Variants in KCNJ6 observed in about 807,000 individuals in gnomAD.
The protein encoded by KCNJ6 is G protein-activated inward rectifier potassium channel 2.
In KCNJ6, 9 loss-of-function variants were observed where a neutral mutation model predicts 34.2. The ratio of observed to expected loss-of-function variants is 0.26; its 90% CI spans 0.16 to 0.46. The LOEUF is 0.46. Ranked by LOEUF, KCNJ6 falls within the 20% of genes least tolerant of loss-of-function variation. The pLI, the probability that KCNJ6 is intolerant of heterozygous loss-of-function variation, is 1.00. For synonymous variants in KCNJ6, 196 were observed against 207.1 expected, an observed-to-expected ratio of 0.95 and a Z score of 0.46; for missense variants, 236 against 531.3, an observed-to-expected ratio of 0.44 and a Z score of 5.46.
At chr21:37,868,614 G>A (rs57558558) in intron 1 of KCNJ6, among the ~76,000 whole-genome samples, 4,758 of 152,186 alleles carry the variant, frequency 0.031, 197 homozygotes, top group East Asian at 0.2. Context: ...AGGAAGTAGC[G>A]GTCCATGCAT....
At position 37,645,316 on chromosome 21, in the gene KCNJ6, G is replaced by C. The variant is rs184231596; in HGVS notation, c.947-19832C>G. Among the ~76,000 whole-genome samples the C allele has an allele frequency of 2.9e-3, 444 of 152,246 alleles. 4 individuals are homozygous for C. The highest frequency in any genetic ancestry group is 9.4e-3 in the African/African-American group (389 of 41,544). Reference sequence around the variant, plus strand: ...AGAGGTCGAGGCTGTGGTGAGCCATGATTGCACTACTGCACTCCAGCCTAG... The same window carrying C: ...AGAGGTCGAGGCTGTGGTGAGCCATCATTGCACTACTGCACTCCAGCCTAG... On this transcript the variant is annotated intron_variant, in intron 3 of 3. Coordinates refer to ENST00000609713, the MANE Select transcript of KCNJ6 (RefSeq NM_002240.5).
At chr21:37,670,372 G>C (rs1282254909) in intron 3 of KCNJ6, among the ~76,000 whole-genome samples, 1 of 152,152 alleles carries the variant, frequency 6.6e-6, no homozygotes, top group African/African-American at 2.4e-5. Flanking sequence ...ATATGAACTT[G>C]AGGATTGGGC....
chr21:37,774,878 C>G (rs533906659), intron 2 of KCNJ6, among the ~76,000 whole-genome samples: 6 of 152,300 alleles, frequency 3.9e-5, no homozygotes, highest in Admixed American at 1.3e-4. Flanking sequence ...AATGGGACGG[C>G]TGGGTCAAAT....
In KCNJ6 at chr21:37,698,059, C is replaced by T. The variant is rs189768629; in HGVS notation, c.946+16152G>A. 1.6e-3 allele frequency among the ~76,000 whole-genome samples: 247 copies of T among 152,274 alleles called. 1 individual carries two copies. Among genetic ancestry groups the T allele is most frequent in the African/African-American group, 5.3e-3 (220 of 41,560 alleles). ...AAATGGGGGCATTGGTGCAAACACT[C>T]GTTAAACAAAGACACTCATGCTCTT... On this transcript the variant is annotated intron_variant, in intron 3 of 3. Coordinates refer to ENST00000609713, the MANE Select transcript of KCNJ6 (RefSeq NM_002240.5).
chr21:37,828,023 C>T (rs1442712893), intron 2 of KCNJ6, among the ~76,000 whole-genome samples: 2 of 152,152 alleles, frequency 1.3e-5, no homozygotes, highest in African/African-American at 2.4e-5. Flanking sequence ...CTGTCTGTCT[C>T]TTAAGGCCAC....
intron 2 of KCNJ6, among the ~76,000 whole-genome samples, chr21:37,824,703 C>A (rs1421908561): frequency 1.3e-5 from 2 of 152,166 alleles, no homozygotes; most frequent in Admixed American, 6.5e-5. Context: ...TTCCTGCCAC[C>A]ATGTAAGACG....
intron 1 of KCNJ6, among the ~76,000 whole-genome samples, chr21:37,885,633 G>A (rs1568884985): frequency 1.3e-5 from 2 of 152,204 alleles, no homozygotes; most frequent in South Asian, 4.1e-4. Flanking sequence ...AGTCCCAGGA[G>A]GGGAGCACAG....
chr21:37,824,865 G>A (rs375311672), intron 2 of KCNJ6, among the ~76,000 whole-genome samples: 18 of 152,182 alleles, frequency 1.2e-4, no homozygotes, highest in African/African-American at 3.1e-4. Flanking sequence ...GTGTGAGAAC[G>A]GGGAGGATCC....
intron 3 of KCNJ6, among the ~76,000 whole-genome samples, chr21:37,683,050 C>G (rs1321108988): frequency 6.6e-6 from 1 of 152,246 alleles, no homozygotes; most frequent in Non-Finnish European, 1.5e-5. Flanking sequence ...CAGCTTGCTT[C>G]CATACTGTTT....
At chr21:37,896,009 G>A (rs973365369) in intron 1 of KCNJ6, among the ~76,000 whole-genome samples, 6 of 152,176 alleles carry the variant, frequency 3.9e-5, no homozygotes, top group Non-Finnish European at 5.9e-5. Context: ...AGGGGCTCAC[G>A]GTTCTGCAGG....
intron 2 of KCNJ6, among the ~76,000 whole-genome samples, chr21:37,821,319 C>T (rs1475928687): frequency 6.6e-6 from 1 of 152,170 alleles, no homozygotes; most frequent in African/African-American, 2.4e-5. Flanking sequence ...TTTTCAACAA[C>T]CCAAAAGGAA....
At chr21:37,892,476 A>G (rs1358550325) in intron 1 of KCNJ6, among the ~76,000 whole-genome samples, 1 of 152,226 alleles carries the variant, frequency 6.6e-6, no homozygotes, top group Non-Finnish European at 1.5e-5. Context: ...ATTAGTTTAG[A>G]AAATACAGCT....
At chr21:37,785,307 A>G (rs180692526) in intron 2 of KCNJ6, among the ~76,000 whole-genome samples, 69 of 152,350 alleles carry the variant, frequency 4.5e-4, no homozygotes, top group Non-Finnish European at 8.8e-5. Flanking sequence ...AGAATTATAA[A>G]AGATGTTCAA....
At chr21:37,787,046 T>C (rs768447588) in intron 2 of KCNJ6, among the ~76,000 whole-genome samples, 4 of 152,200 alleles carry the variant, frequency 2.6e-5, no homozygotes, top group Non-Finnish European at 5.9e-5. Context: ...TCAGAGTTGA[T>C]GTTACTCATT....
intron 1 of KCNJ6, among the ~76,000 whole-genome samples, chr21:37,843,498 A>C (rs1457390805): frequency 6.6e-6 from 1 of 152,212 alleles, no homozygotes; most frequent in Non-Finnish European, 1.5e-5. Flanking sequence ...TCATTATCAG[A>C]AAGTTGATGT....
Position 37,843,237 on chromosome 21 carries a change from T to G in KCNJ6, c.-27-2528A>C, listed in dbSNP as rs542044803. Among the ~76,000 whole-genome samples the G allele has an allele frequency of 2.2e-4, 34 of 152,294 alleles. 1 individual carries two copies. Among genetic ancestry groups the G allele is most frequent in the Admixed American group, 2.2e-3 (34 of 15,306 alleles). ...TGCTGGTGGGTGGTCCTTGCAGCTA[T>G]TTTTGTTCAGATGTGCTGGATATCT... is the stretch of plus-strand genomic sequence containing the variant. On this transcript the variant is annotated intron_variant, in intron 1 of 3. Transcript: ENST00000609713.
intron 3 of KCNJ6, among the ~76,000 whole-genome samples, chr21:37,638,556 G>A (rs2054367769): frequency 6.6e-6 from 1 of 152,146 alleles, no homozygotes; most frequent in South Asian, 2.1e-4. Flanking sequence ...AAGGCATTCT[G>A]CACACCAGCA....
At chr21:37,717,843 T>C (rs532832229) in intron 2 of KCNJ6, among the ~76,000 whole-genome samples, 49 of 152,298 alleles carry the variant, frequency 3.2e-4, no homozygotes, top group Admixed American at 3.1e-3. Flanking sequence ...TGATATATCA[T>C]ACTTAAAAAA....
intron 3 of KCNJ6, among the ~76,000 whole-genome samples, chr21:37,661,153 G>C (rs1468409297): frequency 1.1e-4 from 16 of 152,096 alleles, no homozygotes; most frequent in Non-Finnish European, 2.9e-5. Flanking sequence ...CTAACTATGA[G>C]TAACAGATTA....
Sources: allele counts gnomAD v4.1 joint callset (sites outside exome capture counted in the v4.1 genomes callset), GRCh38; gene constraint gnomAD v4.1.1; transcripts MANE v1.5; gene names NCBI Gene and HGNC (gene_info 2026-07-23, HGNC 2026-07-21).